The following UTP14C variants were observed in gnomAD, a reference collection of about 807,000 sequenced individuals.
UTP14C encodes UTP14C small subunit processome component, also known as U3 small nucleolar RNA-associated protein 14 homolog C.
In UTP14C, 10 loss-of-function variants were observed where a neutral mutation model predicts 14.6. The ratio of observed to expected loss-of-function variants is 0.68; its 90% CI spans 0.42 to 1.16. The LOEUF (loss-of-function observed/expected upper bound fraction) is 1.16. Among genes scored for constraint, UTP14C ranks in the 50% most tolerant of loss-of-function variants. The pLI is 0.00. For missense variants in UTP14C, 818 were observed against 890.8 expected (o/e 0.92, Z 1.04); for synonymous variants, 315 against 331.6 (o/e 0.95, Z 0.54).
Position 52,029,102 on chromosome 13 carries a change from G to C in UTP14C, c.298G>C (p.Ala100Pro). 2 of 1,614,178 alleles carry C rather than the reference G, an allele frequency of 1.2e-6. No homozygotes were observed. The highest frequency in any genetic ancestry group is 1.7e-6 in the Non-Finnish European group (2 of 1,180,042). ...LEPVKTSSSL[A>P]TVKKQLNRVK... is the part of the protein sequence containing the mutation. ...GCCCGTTAAAACTTCATCTTCTTTG[G>C]CCACTGTAAAAAAGCAACTGAATAG... Residue 100 changes from alanine (A) to proline (P), a missense_variant, in exon 2 of 2, where the codon GCC (alanine) becomes CCC (proline). Transcript: ENST00000521776.
intron 1 of UTP14C, among the ~76,000 whole-genome samples, chr13:52,025,882 C>G (rs1396840465): frequency 6.6e-6 from 1 of 152,214 alleles, no homozygotes; most frequent in African/African-American, 2.4e-5. Context: ...GTGCTAGGCC[C>G]AGACATTAAG....
Position 52,029,572 on chromosome 13 carries a change from G to A in UTP14C, c.768G>A (p.Lys256=). 2.5e-6 allele frequency: 4 copies of A among 1,614,196 alleles called. No individual in the cohort carries two copies. Among genetic ancestry groups the A allele is most frequent in the Non-Finnish European group, 3.4e-6 (4 of 1,180,040 alleles). The change falls in exon 2 of 2, where the codon AAG becomes AAA. Residue 256 remains lysine (K), a synonymous_variant. Coordinates refer to ENST00000521776, the MANE Select transcript of UTP14C (RefSeq NM_021645.6). The part of the protein sequence containing the change: ...IKSKKYHKVV[K]KGKAKKALKE... Reference sequence around the variant, plus strand: ...GTAAAAAGTATCACAAAGTCGTGAAGAAAGGAAAGGCCAAGAAAGCCTTAA... The same window carrying A: ...GTAAAAAGTATCACAAAGTCGTGAAAAAAGGAAAGGCCAAGAAAGCCTTAA...
Position 52,028,475 on chromosome 13 carries a change from T to C in UTP14C, c.-330T>C. 5 of 1,614,200 alleles carry C rather than the reference T, an allele frequency of 3.1e-6. No individual in the cohort carries two copies. Among genetic ancestry groups the C allele is most frequent in the South Asian group, 1.1e-5 (1 of 91,084 alleles). ...GAAACTATCGCTCACATTCTTTCCA[T>C]GTCTGCAGAAAAGAGACTCCAAATC... On this transcript the variant is annotated 5_prime_UTR_variant, in exon 2 of 2. The change abolishes an upstream ATG in the 5' untranslated region. Transcript: ENST00000521776.
Position 52,030,880 on chromosome 13 carries a change from G to T in UTP14C, c.2076G>T (p.Arg692=). 1 of 1,614,072 alleles carries T rather than the reference G, an allele frequency of 6.2e-7. No individual in the cohort carries two copies. The highest frequency in any genetic ancestry group is 8.5e-7 in the Non-Finnish European group (1 of 1,180,006). ...TTCCATATCCATTTACCCACCATCG[G>T]CAATTTGAAAGGACCATCCAGACCC... ...QVLPYPFTHH[R]QFERTIQTPI... The change falls in exon 2 of 2, where the codon CGG becomes CGT. Residue 692 remains arginine, a synonymous_variant. Transcript: ENST00000521776.
At position 52,032,778 on chromosome 13, in the gene UTP14C, A is replaced by G. The variant is rs977153224; in HGVS notation, c.*1673A>G. 1.9e-4 allele frequency: 31 copies of G among 167,114 alleles called. 1 individual carries two copies. The highest frequency in any genetic ancestry group is 7.2e-4 in the African/African-American group (30 of 41,468). The allele number at this position is 167,114 out of a possible 1,614,324, so 10.4% of individuals were successfully genotyped here. ...TGGAGTGAAAGGAACCCTACAGATT[A>G]GCCCAGTTCTCTCTTATTTTCAGCT... On this transcript the variant is annotated 3_prime_UTR_variant, in exon 2 of 2. Transcript: ENST00000521776.
Position 52,031,135 on chromosome 13 carries a change from G to T in UTP14C, c.*30G>T. On this transcript the variant is annotated 3_prime_UTR_variant, in exon 2 of 2. Transcript: ENST00000521776. ...TGTAGCTGGAGAAGTGACAGTCAGG[G>T]GCCCTGATTCCACTTCCTTTGGTCC... is the stretch of plus-strand genomic sequence containing the variant. 6.3e-7 allele frequency: 1 copy of T among 1,575,368 alleles called. No homozygotes were observed. Among genetic ancestry groups the T allele is most frequent in the Non-Finnish European group, 8.6e-7 (1 of 1,161,122 alleles).
In UTP14C at chr13:52,030,486, A is replaced by G; in HGVS notation, c.1682A>G (p.Asn561Ser). The change falls in exon 2 of 2, where the codon AAC becomes AGC. Residue 561 changes from asparagine (N) to serine (S), a missense_variant. Asn to Ser is a conservative substitution (Grantham distance 46). Transcript: ENST00000521776. The stretch of plus-strand genomic sequence containing the variant: ...AAGGAGCAACTGATCAACCTACAGA[A>G]CTTCCTGACCACACAGTCTCCTTCC... Reference protein sequence around the residue: ...KEKEQLINLQNFLTTQSPSVR... With the variant: ...KEKEQLINLQSFLTTQSPSVR... 1.9e-6 allele frequency: 3 copies of G among 1,614,224 alleles called. No homozygotes were observed. The highest frequency in any genetic ancestry group is 2.5e-6 in the Non-Finnish European group (3 of 1,180,034).
intron 1 of UTP14C, among the ~76,000 whole-genome samples, chr13:52,028,073 A>G (rs112407531): frequency 6.6e-6 from 1 of 152,140 alleles, no homozygotes; most frequent in African/African-American, 2.4e-5. Flanking sequence ...AGCCTGGGCA[A>G]CATAGTGAGA....
At chr13:52,028,285 T>TA (rs555711900) in intron 1 of UTP14C, 34 bp from the exon 2 acceptor site, 5 of 1,613,952 alleles carry the variant, frequency 3.1e-6, no homozygotes, top group Non-Finnish European at 4.2e-6. Flanking sequence ...CTCAAAAACT[T>TA]AAAAGATTAC....
At chr13:52,028,113 CA>C (rs1954259233) in intron 1 of UTP14C, among the ~76,000 whole-genome samples, 1 of 151,792 alleles carries the variant, frequency 6.6e-6, no homozygotes, top group African/African-American at 2.4e-5. Context: ...AAAAGTGAAG[CA>C]GTATTATTAT....
At chr13:52,025,893 C>G (rs927541707) in intron 1 of UTP14C, among the ~76,000 whole-genome samples, 7 of 152,326 alleles carry the variant, frequency 4.6e-5, no homozygotes, top group African/African-American at 1.7e-4. Context: ...AGACATTAAG[C>G]AAGAACTTGT....
chr13:52,033,033 T>C lies in UTP14C; in HGVS notation c.*1928T>C, dbSNP rs1055062. On this transcript the variant is annotated 3_prime_UTR_variant, in exon 2 of 2. Transcript: ENST00000521776. ...AAAAAGTTTTCTGGAATTCCGTAAATTATATTTTAAGCTTATTTCTTCAAA... is the reference window on the plus strand; with the variant it reads ...AAAAAGTTTTCTGGAATTCCGTAAACTATATTTTAAGCTTATTTCTTCAAA... 0.58 allele frequency: 97,462 copies of C among 166,970 alleles called. 31,091 individuals carry two copies. The highest frequency in any genetic ancestry group is 0.7 in the Non-Finnish European group (47,876 of 68,076). 10.3% of individuals were successfully genotyped at this position (166,970 alleles called of 1,614,324 possible).
chr13:52,031,080 G>T lies in UTP14C; in HGVS notation c.2276G>T (p.Arg759Leu). 1 of 1,612,872 alleles carries T rather than the reference G, an allele frequency of 6.2e-7. No individual in the cohort carries two copies. The highest frequency in any genetic ancestry group is 1.1e-5 in the South Asian group (1 of 90,998). The change falls in exon 2 of 2, where the codon CGT becomes CTT. Residue 759 changes from arginine (R) to leucine (L), a missense_variant. Coordinates refer to ENST00000521776, the MANE Select transcript of UTP14C (RefSeq NM_021645.6). ...IQRNPKRITT[R>L]HNKEEKL ...AGGAATCCAAAACGAATCACCACAC[G>T]TCACAATAAAGAAGAAAAACTGTAG... is the stretch of plus-strand genomic sequence containing the variant.
In UTP14C at chr13:52,028,392, G is replaced by A. The variant is rs763721498; in HGVS notation, c.-413G>A. 6.2e-7 allele frequency: 1 copy of A among 1,614,096 alleles called. No individual in the cohort carries two copies. Among genetic ancestry groups the A allele is most frequent in the Non-Finnish European group, 8.5e-7 (1 of 1,180,018 alleles). ...CGGGGGGCCCAAAGCTTGACATTGTGGTTCCTCACGAAGGAGATATAACTG... is the reference window on the plus strand; with the variant it reads ...CGGGGGGCCCAAAGCTTGACATTGTAGTTCCTCACGAAGGAGATATAACTG... On this transcript the variant is annotated 5_prime_UTR_variant, in exon 2 of 2. Transcript: ENST00000521776.
In UTP14C at chr13:52,029,596, A is replaced by G; in HGVS notation, c.792A>G (p.Leu264=). Residue 264 remains leucine, a synonymous_variant, in exon 2 of 2, where the codon TTA becomes TTG. Transcript: ENST00000521776. The stretch of plus-strand genomic sequence containing the variant: ...AGAAAGGAAAGGCCAAGAAAGCCTT[A>G]AAAGAGTTTGAGCAGCTACAGAAGG... ...VVKKGKAKKA[L]KEFEQLQKVN... 1.2e-6 allele frequency: 2 copies of G among 1,614,254 alleles called. No individual in the cohort carries two copies.
rs1435920650 is a variant in UTP14C at position 52,025,026 on chromosome 13, C to T, written c.-487+89C>T. On this transcript the variant is annotated intron_variant, in intron 1 of 1. Transcript: ENST00000521776. The stretch of plus-strand genomic sequence containing the variant: ...AAAATGATAATACTCTGGAAATCTG[C>T]ATCATGCCCTAATTCTCTTGCCCTC... 2.9e-6 allele frequency: 4 copies of T among 1,389,572 alleles called. No individual in the cohort carries two copies. In the African/African-American group the frequency reaches 5.7e-5, roughly 20 times the overall value. The allele number at this position is 1,389,572 out of a possible 1,614,324, so 86.1% of individuals were successfully genotyped here. A position where few individuals can be genotyped will look rare whatever the true frequency, so the allele number is the denominator to read the frequency against.
rs79281620 is a variant in UTP14C at position 52,028,862 on chromosome 13, G to A, written c.58G>A (p.Asp20Asn). The A allele has an allele frequency of 1.8e-4, 294 of 1,614,118 alleles. No individual in the cohort carries two copies. Among genetic ancestry groups the A allele is most frequent in the Non-Finnish European group, 5.1e-6 (6 of 1,180,040 alleles). The change falls in exon 2 of 2, where the codon GAT (aspartate) becomes AAT (asparagine). Residue 20 changes from aspartate to asparagine, a missense_variant. Coordinates refer to ENST00000521776, the MANE Select transcript of UTP14C (RefSeq NM_021645.6). ...TTTGAGCCACCAGGAAGAACTAGTG[G>A]ATTTGCCAAAAAACTACCCCTTGAG... ...LALSHQEELVDLPKNYPLSEN... is the reference protein window; with the variant it reads ...LALSHQEELVNLPKNYPLSEN...
chr13:52,029,566 C>T lies in UTP14C; in HGVS notation c.762C>T (p.Val254=), dbSNP rs1954277085. ...KKIKSKKYHK[V]VKKGKAKKAL... The stretch of plus-strand genomic sequence containing the variant: ...TCAAAAGTAAAAAGTATCACAAAGT[C>T]GTGAAGAAAGGAAAGGCCAAGAAAG... Residue 254 remains valine (V), a synonymous_variant, in exon 2 of 2, where the codon GTC becomes GTT. Transcript: ENST00000521776. 6.2e-7 allele frequency: 1 copy of T among 1,613,986 alleles called. No individual in the cohort carries two copies. The highest frequency in any genetic ancestry group is 8.5e-7 in the Non-Finnish European group (1 of 1,180,022).
Position 52,028,637 on chromosome 13 carries a change from A to G in UTP14C, c.-168A>G. ...GATATTTTATATAAACTGGTTAAACACCTTCATATGTAAATATTTTTCTAA... is the reference window on the plus strand; with the variant it reads ...GATATTTTATATAAACTGGTTAAACGCCTTCATATGTAAATATTTTTCTAA... On this transcript the variant is annotated 5_prime_UTR_variant, in exon 2 of 2. Transcript: ENST00000521776. 1 of 1,575,238 alleles carries G rather than the reference A, an allele frequency of 6.3e-7. No homozygotes were observed. The highest frequency in any genetic ancestry group is 8.7e-7 in the Non-Finnish European group (1 of 1,149,730).
Sources: gnomAD v4.1 joint callset for allele counts (sites outside exome capture counted in the v4.1 genomes callset) on GRCh38, gnomAD v4.1.1 for gene constraint, MANE v1.5 for transcripts, NCBI Gene and HGNC (gene_info 2026-07-23, HGNC 2026-07-21) for gene names.